The following CDC42BPA variants were observed in gnomAD, a reference collection of about 807,000 sequenced individuals.
The protein encoded by CDC42BPA is serine/threonine-protein kinase MRCK alpha.
In CDC42BPA, 80 loss-of-function variants were observed where a neutral mutation model predicts 223.5. That is an observed-to-expected ratio of 0.36 (90% CI 0.30 to 0.43). CDC42BPA has a LOEUF of 0.43. CDC42BPA is among the 20% of genes least tolerant of loss of function. CDC42BPA has a pLI of 1.00. For synonymous variants in CDC42BPA, 694 were observed against 718.6 expected, an observed-to-expected ratio of 0.97 and a Z score of 0.55; for missense variants, 1,743 against 2,099.9, an observed-to-expected ratio of 0.83 and a Z score of 3.32.
chr1:227,241,554 G>A (rs897290154), intron 2 of CDC42BPA, among the ~76,000 whole-genome samples: 2 of 152,126 alleles, frequency 1.3e-5, no homozygotes, highest in Admixed American at 1.3e-4. Flanking sequence ...ACATTATCCT[G>A]AGTGAAAGGT....
intron 1 of CDC42BPA, among the ~76,000 whole-genome samples, chr1:227,286,326 G>A (rs973680300): frequency 6.6e-6 from 1 of 152,158 alleles, no homozygotes; most frequent in Non-Finnish European, 1.5e-5. Context: ...CTGCCAGTTA[G>A]TCTAGGTCAT....
intron 8 of CDC42BPA, among the ~76,000 whole-genome samples, chr1:227,144,131 A>G (rs541919022): frequency 1.6e-4 from 24 of 152,232 alleles, no homozygotes; most frequent in Non-Finnish European, 4.4e-5. Context: ...TGTTTCAGTG[A>G]AAAGTTATAT....
At chr1:227,296,157 G>A (rs1404572300) in intron 1 of CDC42BPA, among the ~76,000 whole-genome samples, 1 of 152,094 alleles carries the variant, frequency 6.6e-6, no homozygotes, top group Non-Finnish European at 1.5e-5. Flanking sequence ...CTGGCAGAAG[G>A]ATAAACATAT....
intron 10 of CDC42BPA, among the ~76,000 whole-genome samples, chr1:227,134,680 G>A (rs1658131296): frequency 6.6e-6 from 1 of 152,170 alleles, no homozygotes. Context: ...GCTAATAAAT[G>A]AATGAATCAG....
intron 12 of CDC42BPA, among the ~76,000 whole-genome samples, chr1:227,115,251 C>A (rs1687588939): frequency 6.6e-6 from 1 of 151,858 alleles, no homozygotes; most frequent in Non-Finnish European, 1.5e-5. Context: ...CATTAGTAAC[C>A]AGTTAAAGGC....
chr1:227,257,686 G>A (rs12079122), intron 1 of CDC42BPA, among the ~76,000 whole-genome samples: 26,251 of 150,582 alleles, frequency 0.17, 2,739 homozygotes, highest in Middle Eastern at 0.2. Context: ...CCCAGGAGGC[G>A]GAGGTTGCAG....
Position 227,030,401 on chromosome 1 carries a change from C to G in CDC42BPA, c.3838+7G>C. ...AATTACTCCAAAAAAAAAAAGTTTT[C>G]TCTTACCATCTTTGGTGACATGTAC... On this transcript the variant is annotated splice_region_variant and intron_variant, in intron 29 of 36. Coordinates refer to ENST00000366766, the MANE Select transcript of CDC42BPA (RefSeq NM_001394014.1). 6.4e-7 allele frequency: 1 copy of G among 1,559,904 alleles called. No individual in the cohort carries two copies.
intron 2 of CDC42BPA, among the ~76,000 whole-genome samples, chr1:227,223,439 C>T (rs746525407): frequency 1.3e-5 from 2 of 152,128 alleles, no homozygotes; most frequent in Non-Finnish European, 2.9e-5. Flanking sequence ...AACCATTCTG[C>T]GCAGATAGTT....
At chr1:227,144,420 T>C (rs1158759951) in intron 8 of CDC42BPA, among the ~76,000 whole-genome samples, 5 of 151,132 alleles carry the variant, frequency 3.3e-5, no homozygotes, top group Admixed American at 3.3e-4. Flanking sequence ...ACTAAAAACA[T>C]AAAAGTTAGC....
Position 227,145,529 on chromosome 1 carries a change from G to T in CDC42BPA, c.1103C>A (p.Thr368Lys). Residue 368 changes from threonine to lysine, a missense_variant, in exon 8 of 37, where the codon ACA (threonine) becomes AAA (lysine). Around this residue, in one of 6 missense-constraint regions of CDC42BPA, gnomAD observed 321 missense variants for 488.7 expected, o/e 0.66. Transcript: ENST00000366766. ...YIPEVSSPTD[T>K]SNFDVDDDCL... ...ATCATCATCTACATCAAAATTCGAT[G>T]TATCTGTTGGGCTACTAACTTCTGG... The T allele has an allele frequency of 6.2e-7, 1 of 1,613,340 alleles. No homozygotes were observed. Among genetic ancestry groups the T allele is most frequent in the Non-Finnish European group, 8.5e-7 (1 of 1,179,510 alleles).
At chr1:227,113,045 C>G (rs1687179700) in intron 12 of CDC42BPA, 132 bp from the exon 13 acceptor site, 1 of 805,300 alleles carries the variant, frequency 1.2e-6, no homozygotes, top group South Asian at 1.7e-5. Flanking sequence ...AAGAAATAAA[C>G]TACTTCTGAA....
intron 3 of CDC42BPA, among the ~76,000 whole-genome samples, chr1:227,209,420 T>A (rs1338727144): frequency 7.0e-6 from 1 of 142,240 alleles, no homozygotes; most frequent in African/African-American, 2.7e-5. Context: ...AGAGAGGGCA[T>A]CCCTGTCTTG....
intron 1 of CDC42BPA, among the ~76,000 whole-genome samples, chr1:227,264,240 A>C (rs1294362783): frequency 6.6e-6 from 1 of 152,220 alleles, no homozygotes; most frequent in Admixed American, 6.5e-5. Flanking sequence ...TCAAGTTAGT[A>C]GTAGAGGGCA....
At chr1:227,155,411 A>G (rs138534193) in intron 6 of CDC42BPA, among the ~76,000 whole-genome samples, 87 of 152,322 alleles carry the variant, frequency 5.7e-4, no homozygotes, top group African/African-American at 2.0e-3. Flanking sequence ...TTTACTTCCA[A>G]TGGAACCTTC....
chr1:227,116,343 C>T (rs1456604575), intron 12 of CDC42BPA, among the ~76,000 whole-genome samples: 2 of 152,132 alleles, frequency 1.3e-5, no homozygotes, highest in African/African-American at 2.4e-5. Context: ...CAGAAGGGCA[C>T]ATTTAATAAA....
At chr1:227,187,499 A>C (rs1487538488) in intron 5 of CDC42BPA, among the ~76,000 whole-genome samples, 4 of 141,086 alleles carry the variant, frequency 2.8e-5, no homozygotes, top group African/African-American at 5.1e-5. Flanking sequence ...AAAAAAAAAA[A>C]CAGAACAGAA....
intron 1 of CDC42BPA, among the ~76,000 whole-genome samples, chr1:227,260,036 GAAA>G (rs34964140): frequency 8.5e-6 from 1 of 117,476 alleles, no homozygotes; most frequent in Non-Finnish European, 1.8e-5. Flanking sequence ...CCATTTTACA[GAAA>G]AAAAAAAAAA....
chr1:227,242,210 A>C (rs1206399188), intron 2 of CDC42BPA, among the ~76,000 whole-genome samples: 1 of 152,170 alleles, frequency 6.6e-6, no homozygotes, highest in Non-Finnish European at 1.5e-5. Flanking sequence ...TTTTGATAAA[A>C]GTTAGCTCCT....
chr1:227,094,713 T>C (rs1336840496), intron 15 of CDC42BPA, among the ~76,000 whole-genome samples: 2 of 152,212 alleles, frequency 1.3e-5, no homozygotes, highest in Non-Finnish European at 1.5e-5. Flanking sequence ...CTAGGATTTG[T>C]GGTTTAATGT....
Sources: gnomAD v4.1 joint callset for allele counts (sites outside exome capture counted in the v4.1 genomes callset) on GRCh38, gnomAD v4.1.1 for gene constraint, gnomAD v4.1.1 regional missense constraint, MANE v1.5 for transcripts, NCBI Gene and HGNC (gene_info 2026-07-23, HGNC 2026-07-21) for gene names.